Variants in EPB41L3 observed in about 807,000 individuals in gnomAD.
EPB41L3 encodes the protein band 4.1-like protein 3.
EPB41L3 carries 57 observed loss-of-function variants against 127.1 expected under a neutral mutation model. The observed-to-expected ratio is 0.45, with a 90% CI of 0.36 to 0.56. The LOEUF is 0.56. EPB41L3 is among the 20% of genes least tolerant of loss of function. The pLI, the probability that EPB41L3 is intolerant of heterozygous loss-of-function variation, is 0.00. For missense variants in EPB41L3, 1,273 were observed against 1,372.2 expected, an observed-to-expected ratio of 0.93 and a Z score of 1.14; for synonymous variants, 572 against 549.5, an observed-to-expected ratio of 1.04 and a Z score of -0.57.
At chr18:5,480,595 C>A (rs2147987029) in intron 2 of EPB41L3, among the ~76,000 whole-genome samples, 1 of 152,260 alleles carries the variant, frequency 6.6e-6, no homozygotes, top group Middle Eastern at 3.4e-3. Context: ...AGCTTCCTAG[C>A]CTGAATCAAA....
intron 3 of EPB41L3, among the ~76,000 whole-genome samples, chr18:5,589,106 C>A (rs2094464156): frequency 6.6e-6 from 1 of 152,082 alleles, no homozygotes; most frequent in Non-Finnish European, 1.5e-5. Flanking sequence ...GGATTTATTA[C>A]AACTAAAGAC....
At chr18:5,537,221 G>C (rs1056819704) in intron 1 of EPB41L3, among the ~76,000 whole-genome samples, 1 of 152,008 alleles carries the variant, frequency 6.6e-6, no homozygotes, top group Non-Finnish European at 1.5e-5. Flanking sequence ...TGGTTTTTCT[G>C]TATTGTTAGA....
intron 1 of EPB41L3, among the ~76,000 whole-genome samples, chr18:5,537,141 AC>A (rs1413918760): frequency 6.6e-6 from 1 of 152,174 alleles, no homozygotes; most frequent in Non-Finnish European, 1.5e-5. Context: ...CGAGAGCCCA[AC>A]CCAGGTGTGT....
At chr18:5,587,275 G>A (rs940084884) in intron 3 of EPB41L3, among the ~76,000 whole-genome samples, 7 of 151,954 alleles carry the variant, frequency 4.6e-5, no homozygotes, top group African/African-American at 1.2e-4. Flanking sequence ...GCTTTTGCAC[G>A]TTCTTTTACA....
chr18:5,465,387 C>T (rs1382518057), intron 3 of EPB41L3, among the ~76,000 whole-genome samples: 1 of 152,124 alleles, frequency 6.6e-6, no homozygotes, highest in African/African-American at 2.4e-5. Flanking sequence ...TTTACATAGA[C>T]ATTTACATTC....
intron 1 of EPB41L3, among the ~76,000 whole-genome samples, chr18:5,489,734 T>C (rs1183563451): frequency 6.6e-6 from 1 of 152,208 alleles, no homozygotes; most frequent in Non-Finnish European, 1.5e-5. Context: ...AGTTAGCAAC[T>C]GAGCTACAAC....
Position 5,419,886 on chromosome 18 carries a change from G to C in EPB41L3, c.1340-9C>G. On this transcript the variant is annotated splice_polypyrimidine_tract_variant and intron_variant, in intron 11 of 22. Transcript: ENST00000341928. ...CTGGCCAGTACCAACCTCTGCAGCA[G>C]ACATAGAATCCTTCATGTATATTTC... 1 of 1,614,170 alleles carries C rather than the reference G, an allele frequency of 6.2e-7. No homozygotes were observed. Among genetic ancestry groups the C allele is most frequent in the South Asian group, 1.1e-5 (1 of 91,082 alleles).
Position 5,397,050 on chromosome 18 carries a change from C to A in EPB41L3, c.2841+8G>T. ...TTAGTGATAAAAGTAACATTTACTA[C>A]TAGTTACCTCAAAATGAGGTTTTTG... On this transcript the variant is annotated splice_region_variant and intron_variant, in intron 18 of 22. Transcript: ENST00000341928. This position sits in a 1 kb window ranked among gnomAD's most constrained non-coding sequence, Gnocchi z 4.1. 1.3e-6 allele frequency: 2 copies of A among 1,582,110 alleles called. No homozygotes were observed. Among genetic ancestry groups the A allele is most frequent in the Non-Finnish European group, 8.6e-7 (1 of 1,166,740 alleles).
chr18:5,475,958 TC>T (rs1353471696), intron 3 of EPB41L3, among the ~76,000 whole-genome samples: 4 of 152,098 alleles, frequency 2.6e-5, no homozygotes, highest in African/African-American at 9.7e-5. Context: ...TGCTTCCCCT[TC>T]TCTGTTTACC....
At chr18:5,494,817 C>A (rs1168592535) in intron 1 of EPB41L3, among the ~76,000 whole-genome samples, 1 of 152,230 alleles carries the variant, frequency 6.6e-6, no homozygotes, top group South Asian at 2.1e-4. Context: ...GGAAGGGGTG[C>A]GTGAGAGTGA....
In EPB41L3 at chr18:5,457,266, C is replaced by A. The variant is rs529977350; in HGVS notation, c.382-12022G>T. On this transcript the variant is annotated intron_variant, in intron 3 of 22. Coordinates refer to ENST00000341928, the MANE Select transcript of EPB41L3 (RefSeq NM_012307.5). ...AGATTCCATACATGTTTAGACTGCA[C>A]TGTTTTTTCTCTGCTTGTGATAAAG... 6.6e-5 allele frequency among the ~76,000 whole-genome samples: 10 copies of A among 152,280 alleles called. No homozygotes were observed. The East Asian group carries it at 1.9e-3, about 29-fold the overall frequency.
At chr18:5,625,144 T>C (rs1317997075) in intron 1 of EPB41L3, among the ~76,000 whole-genome samples, 1 of 152,054 alleles carries the variant, frequency 6.6e-6, no homozygotes, top group African/African-American at 2.4e-5. Flanking sequence ...TTTTCACTCA[T>C]ACTTTAGGAA....
intron 1 of EPB41L3, among the ~76,000 whole-genome samples, chr18:5,501,361 T>A (rs1030847545): frequency 6.6e-6 from 1 of 152,198 alleles, no homozygotes; most frequent in Non-Finnish European, 1.5e-5. Flanking sequence ...CTACAAATGA[T>A]ATCTTGGGAA....
At chr18:5,592,878 A>T (rs959323292) in intron 3 of EPB41L3, among the ~76,000 whole-genome samples, 10 of 152,294 alleles carry the variant, frequency 6.6e-5, no homozygotes, top group African/African-American at 2.2e-4. Flanking sequence ...TAGTCTCTGG[A>T]TGTCTTCAAA....
intron 3 of EPB41L3, chr18:5,567,093 G>T (rs78897553): frequency 6.6e-6 from 1 of 152,144 alleles, no homozygotes; most frequent in African/African-American, 2.4e-5. Flanking sequence ...GGAGTGAGCC[G>T]CCTTGCCCGG....
intron 3 of EPB41L3, among the ~76,000 whole-genome samples, chr18:5,550,817 GA>G (rs1322492838): frequency 1.3e-5 from 2 of 152,130 alleles, no homozygotes; most frequent in Admixed American, 1.3e-4. Flanking sequence ...CTTCATGAAG[GA>G]ACACTCATGT....
chr18:5,603,878 T>A (rs1022157467), intron 3 of EPB41L3, among the ~76,000 whole-genome samples: 7 of 151,408 alleles, frequency 4.6e-5, no homozygotes, highest in East Asian at 3.9e-4. Flanking sequence ...AATTAAAATT[T>A]AAAAAAAAAG....
At chr18:5,436,009 C>G (rs977973073) in intron 6 of EPB41L3, among the ~76,000 whole-genome samples, 24 of 152,136 alleles carry the variant, frequency 1.6e-4, no homozygotes, top group African/African-American at 5.6e-4. Context: ...TTAACATTTT[C>G]CATATAATTT....
intron 1 of EPB41L3, among the ~76,000 whole-genome samples, chr18:5,501,298 A>G (rs1013808946): frequency 6.6e-6 from 1 of 152,134 alleles, no homozygotes; most frequent in Non-Finnish European, 1.5e-5. Flanking sequence ...TGAATGAATG[A>G]ATGAATGAAT....
Sources: gnomAD v4.1 joint callset for allele counts (sites outside exome capture counted in the v4.1 genomes callset) on GRCh38, gnomAD v4.1.1 for gene constraint, Gnocchi (gnomAD v3.1) non-coding constraint, MANE v1.5 for transcripts, NCBI Gene and HGNC (gene_info 2026-07-23, HGNC 2026-07-21) for gene names.